Variants in PGS1 observed in about 807,000 individuals in gnomAD.
PGS1 encodes phosphatidylglycerophosphate synthase 1, also known as CDP-diacylglycerol--glycerol-3-phosphate 3-phosphatidyltransferase, mitochondrial.
A neutral mutation model predicts 58.3 loss-of-function variants in PGS1; 44 were observed. The observed-to-expected ratio is 0.75, with a 90% confidence interval of 0.59 to 0.97. The LOEUF is 0.97. PGS1 is among the 50% of genes least tolerant of loss of function. The pLI, the probability that PGS1 is intolerant of heterozygous loss-of-function variation, is 0.00. For synonymous variants in PGS1, 330 were observed against 311.0 expected (o/e 1.06, Z -0.64); for missense variants, 684 against 731.1 (o/e 0.94, Z 0.74).
intron 2 of PGS1, 47 bp downstream of exon 2, chr17:78,392,712 G>C: frequency 1.1e-5 from 16 of 1,515,162 alleles, no homozygotes; most frequent in Non-Finnish European, 1.5e-5. Context: ...GCTTTTGGGG[G>C]ATCAGGTTGG....
intron 7 of PGS1, among the ~76,000 whole-genome samples, chr17:78,407,473 C>A (rs141082070): frequency 6.6e-6 from 1 of 152,190 alleles, no homozygotes; most frequent in African/African-American, 2.4e-5. Flanking sequence ...GCCCAGTGGA[C>A]CATTCATTTC....
At chr17:78,386,596 CTT>C (rs2082400805) in intron 1 of PGS1, among the ~76,000 whole-genome samples, 1 of 152,298 alleles carries the variant, frequency 6.6e-6, no homozygotes, top group Non-Finnish European at 1.5e-5. Context: ...TGTAACTAGA[CTT>C]TTTTGGTAAA....
rs748528835 is a variant in PGS1 at position 78,410,021 on chromosome 17, G to C, written c.1403-4858G>C. On this transcript the variant is annotated intron_variant, in intron 7 of 9. Transcript: ENST00000262764. ...GGCTACTCGGGAGGTTGAGGCATGA[G>C]AATCACTTGAACCTGGGAGACGGAG... 3.3e-5 allele frequency among the ~76,000 whole-genome samples: 5 copies of C among 152,340 alleles called. No individual in the cohort carries two copies. The East Asian group carries it at 9.6e-4, about 29-fold the overall frequency.
At chr17:78,411,197 A>G (rs1252582747) in intron 7 of PGS1, among the ~76,000 whole-genome samples, 1 of 152,078 alleles carries the variant, frequency 6.6e-6, no homozygotes, top group Non-Finnish European at 1.5e-5. Flanking sequence ...CCTCGACCAC[A>G]TGGGGCTTGC....
chr17:78,407,455 G>A lies in PGS1; in HGVS notation c.1402+3366G>A, dbSNP rs906653618. On this transcript the variant is annotated intron_variant, in intron 7 of 9. Transcript: ENST00000262764. ...CAGCCGCAGGGTGCTTGTGGATTTC[G>A]ATGGCTGGCCCAGTGGACCATTCAT... is the stretch of plus-strand genomic sequence containing the variant. Among the ~76,000 whole-genome samples the A allele has an allele frequency of 9.8e-5, 15 of 152,352 alleles. No homozygotes were observed. In the East Asian group the frequency reaches 1.5e-3, roughly 16 times the overall value.
chr17:78,414,489 G>C (rs1349977065), intron 7 of PGS1, among the ~76,000 whole-genome samples: 1 of 152,190 alleles, frequency 6.6e-6, no homozygotes, highest in East Asian at 1.9e-4. Context: ...TCAGAGTGGG[G>C]TTCGAGGCCC....
intron 9 of PGS1, among the ~76,000 whole-genome samples, chr17:78,422,293 T>C (rs572427833): frequency 9.3e-4 from 142 of 152,216 alleles, no homozygotes; most frequent in Middle Eastern, 3.4e-3. Context: ...AAGGGCTGGA[T>C]TCCTTGGGCG....
chr17:78,417,994 A>G (rs2085350093), intron 8 of PGS1, among the ~76,000 whole-genome samples: 1 of 144,890 alleles, frequency 6.9e-6, no homozygotes, highest in South Asian at 2.2e-4. Flanking sequence ...CAGTGGCACG[A>G]TCTCGGCTCA....
At chr17:78,417,718 C>T (rs777405777) in intron 8 of PGS1, among the ~76,000 whole-genome samples, 12 of 151,848 alleles carry the variant, frequency 7.9e-5, no homozygotes, top group Admixed American at 2.0e-4. Context: ...GTGGTCCTCA[C>T]GGCGGTGTGG....
At chr17:78,381,287 G>A (rs1463718621) in intron 1 of PGS1, among the ~76,000 whole-genome samples, 2 of 152,180 alleles carry the variant, frequency 1.3e-5, no homozygotes, top group Non-Finnish European at 2.9e-5. Flanking sequence ...AGAGATGATT[G>A]TTTCTCTGGG....
chr17:78,403,132 T>C (rs1294326590), intron 6 of PGS1, among the ~76,000 whole-genome samples: 1 of 152,166 alleles, frequency 6.6e-6, no homozygotes. Flanking sequence ...GCTTCCTTAT[T>C]GAAGTAGAAC....
At position 78,400,488 on chromosome 17, in the gene PGS1, G is replaced by A. The variant is rs182875165; in HGVS notation, c.702-189G>A. 1.4e-3 allele frequency among the ~76,000 whole-genome samples: 217 copies of A among 152,192 alleles called. 1 individual carries two copies. The highest frequency in any genetic ancestry group is 5.1e-3 in the African/African-American group (210 of 41,528). ...AGAGGAGGAGGCTGTGGGTCACTTT[G>A]CTGTGTCACCTTGGATCAACTCTGG... On this transcript the variant is annotated intron_variant, in intron 5 of 9. Coordinates refer to ENST00000262764, the MANE Select transcript of PGS1 (RefSeq NM_024419.5). This position sits in a 1 kb window ranked among gnomAD's most constrained non-coding sequence, Gnocchi z 4.4.
chr17:78,413,593 C>T (rs1372021089), intron 7 of PGS1, among the ~76,000 whole-genome samples: 3 of 152,242 alleles, frequency 2.0e-5, no homozygotes, highest in Admixed American at 1.3e-4. Context: ...CCCCCACTCA[C>T]ACCTGCTCAC....
At chr17:78,383,854 T>C (rs1408322791) in intron 1 of PGS1, among the ~76,000 whole-genome samples, 1 of 152,214 alleles carries the variant, frequency 6.6e-6, no homozygotes, top group Admixed American at 6.5e-5. Flanking sequence ...CACGTTATAG[T>C]TGGTGATGAA....
intron 1 of PGS1, among the ~76,000 whole-genome samples, chr17:78,386,631 C>T (rs2082402831): frequency 6.6e-6 from 1 of 152,218 alleles, no homozygotes; most frequent in Non-Finnish European, 1.5e-5. Flanking sequence ...TCTGCCTCCT[C>T]ACGTCTCTTG....
At chr17:78,404,919 C>T (rs1322172109) in intron 7 of PGS1, among the ~76,000 whole-genome samples, 2 of 152,120 alleles carry the variant, frequency 1.3e-5, no homozygotes, top group African/African-American at 4.8e-5. Context: ...CTTGGCCTCC[C>T]AAAGTGCTGG....
chr17:78,405,466 T>C (rs1355944117), intron 7 of PGS1, among the ~76,000 whole-genome samples: 1 of 152,196 alleles, frequency 6.6e-6, no homozygotes, highest in Non-Finnish European at 1.5e-5. Flanking sequence ...TGCACAGTCT[T>C]GCTGGTGGGG....
chr17:78,403,392 A>G (rs528479531), intron 6 of PGS1, among the ~76,000 whole-genome samples, 176 bp from the exon 7 acceptor site: 9 of 152,250 alleles, frequency 5.9e-5, no homozygotes, highest in Admixed American at 3.9e-4. Context: ...TGGGCAAACT[A>G]TATCCCCAGA....
At chr17:78,391,866 G>C (rs561634421) in intron 1 of PGS1, among the ~76,000 whole-genome samples, 1 of 151,880 alleles carries the variant, frequency 6.6e-6, no homozygotes, top group Non-Finnish European at 1.5e-5. Flanking sequence ...TCAAGCATTC[G>C]TCCTGCCTTG....
Sources: gnomAD v4.1 joint callset for allele counts (sites outside exome capture counted in the v4.1 genomes callset) on GRCh38, gnomAD v4.1.1 for gene constraint, Gnocchi (gnomAD v3.1) non-coding constraint, MANE v1.5 for transcripts, NCBI Gene and HGNC (gene_info 2026-07-23, HGNC 2026-07-21) for gene names.